SH2D4A: variants seen among roughly 807,000 people sequenced by gnomAD.
SH2D4A encodes SH2 domain containing 4A, also known as SH2 domain-containing protein 4A.
SH2D4A carries 70 observed loss-of-function variants against 64.7 expected under a neutral mutation model. The ratio of observed to expected loss-of-function variants is 1.08; its 90% CI spans 0.89 to 1.32. SH2D4A has a LOEUF of 1.32. Ranked by LOEUF, SH2D4A falls within the 40% of genes most tolerant of loss-of-function variation. The pLI, the probability that SH2D4A is intolerant of heterozygous loss-of-function variation, is 0.00. For synonymous variants in SH2D4A, 268 were observed against 200.7 expected (o/e 1.34, Z -2.83); for missense variants, 706 against 540.1 (o/e 1.31, Z -3.04).
intron 8 of SH2D4A, among the ~76,000 whole-genome samples, chr8:19,388,390 G>A (rs2053426365): frequency 6.6e-6 from 1 of 152,232 alleles, no homozygotes; most frequent in Non-Finnish European, 1.5e-5. Context: ...GGGCAAAGCA[G>A]GTGTTCTGTC....
intron 5 of SH2D4A, among the ~76,000 whole-genome samples, chr8:19,360,354 C>A (rs1383484072): frequency 6.7e-6 from 1 of 148,980 alleles, no homozygotes; most frequent in Non-Finnish European, 1.5e-5. Flanking sequence ...GTGGCTCATG[C>A]CTGTAATCAC....
intron 4 of SH2D4A, among the ~76,000 whole-genome samples, chr8:19,352,872 G>A (rs2052729765): frequency 6.6e-6 from 1 of 152,032 alleles, no homozygotes; most frequent in South Asian, 2.1e-4. Flanking sequence ...AGCCAGGTGT[G>A]GTAGTGCATG....
intron 7 of SH2D4A, among the ~76,000 whole-genome samples, chr8:19,371,245 A>G (rs1447407265): frequency 2.0e-5 from 3 of 152,170 alleles, no homozygotes; most frequent in Non-Finnish European, 4.4e-5. Context: ...AGCATTTCTT[A>G]TAGGCCAAGT....
intron 7 of SH2D4A, among the ~76,000 whole-genome samples, chr8:19,367,478 A>T (rs1309699904): frequency 6.6e-6 from 1 of 152,054 alleles, no homozygotes; most frequent in African/African-American, 2.4e-5. Flanking sequence ...TTTGATGTGC[A>T]TTTCCCTGAT....
intron 7 of SH2D4A, among the ~76,000 whole-genome samples, chr8:19,372,495 C>T (rs555880768): frequency 6.6e-6 from 1 of 152,228 alleles, no homozygotes; most frequent in East Asian, 1.9e-4. Flanking sequence ...GGGGATGGAG[C>T]TGATATTGGA....
At chr8:19,324,585 T>G (rs1198443140) in intron 2 of SH2D4A, among the ~76,000 whole-genome samples, 1 of 152,172 alleles carries the variant, frequency 6.6e-6, no homozygotes, top group Non-Finnish European at 1.5e-5. Flanking sequence ...CCTCTTGGTG[T>G]CTCTCTCTTG....
At chr8:19,320,749 C>T (rs1002580879) in intron 2 of SH2D4A, among the ~76,000 whole-genome samples, 4 of 152,024 alleles carry the variant, frequency 2.6e-5, no homozygotes, top group Non-Finnish European at 2.9e-5. Context: ...TGTTTACATG[C>T]GAAGTCTGTC....
intron 8 of SH2D4A, among the ~76,000 whole-genome samples, chr8:19,377,044 T>TC: frequency 6.6e-6 from 1 of 152,188 alleles, no homozygotes; most frequent in East Asian, 1.9e-4. Flanking sequence ...GTGTAATGAA[T>TC]ATTAACAGCC....
Position 19,365,018 on chromosome 8 carries a change from TAGAA to T in SH2D4A, c.917+741_917+744del, listed in dbSNP as rs1229375648. On this transcript the variant is annotated intron_variant, in intron 7 of 9. Transcript: ENST00000265807. ...ATCTTATTTTTAACATCCTAGTATT[TAGAA>T]AGAAGTATTAAAATCAAATGTTGAT... is the stretch of plus-strand genomic sequence containing the variant. Among the ~76,000 whole-genome samples, 19 of 152,330 alleles carry T rather than the reference TAGAA, an allele frequency of 1.2e-4. No individual in the cohort carries two copies. In the East Asian group the frequency reaches 2.7e-3, roughly 22 times the overall value.
chr8:19,322,889 G>T (rs1563183453), intron 2 of SH2D4A, among the ~76,000 whole-genome samples: 1 of 151,932 alleles, frequency 6.6e-6, no homozygotes, highest in Non-Finnish European at 1.5e-5. Flanking sequence ...TGGCCAGCCT[G>T]GTCTTGAACT....
chr8:19,321,433 T>A (rs994579877), intron 2 of SH2D4A, among the ~76,000 whole-genome samples: 8 of 152,150 alleles, frequency 5.3e-5, no homozygotes, highest in African/African-American at 1.9e-4. Flanking sequence ...AGGCTGGTCT[T>A]GAACCCCAGA....
chr8:19,359,829 A>G (rs962513981), intron 5 of SH2D4A, among the ~76,000 whole-genome samples: 1 of 152,224 alleles, frequency 6.6e-6, no homozygotes, highest in Non-Finnish European at 1.5e-5. Flanking sequence ...CACAATATTA[A>G]TGTTTATACT....
intron 8 of SH2D4A, among the ~76,000 whole-genome samples, chr8:19,387,449 A>G (rs574802864): frequency 3.9e-4 from 60 of 152,374 alleles, no homozygotes; most frequent in African/African-American, 1.3e-3. Context: ...CATGTTGCCC[A>G]GGCTAGTCTC....
chr8:19,351,624 C>CAA (rs1254978770), intron 4 of SH2D4A, among the ~76,000 whole-genome samples: 1 of 151,342 alleles, frequency 6.6e-6, no homozygotes, highest in Non-Finnish European at 1.5e-5. Context: ...CAAAAAAAAA[C>CAA]AAAAACAAAA....
chr8:19,350,529 C>A (rs1043281116), intron 4 of SH2D4A, among the ~76,000 whole-genome samples: 1 of 152,162 alleles, frequency 6.6e-6, no homozygotes, highest in African/African-American at 2.4e-5. Context: ...GTCTCCCAGG[C>A]TGGAATGCAG....
chr8:19,386,637 G>A (rs552629123), intron 8 of SH2D4A, among the ~76,000 whole-genome samples: 1 of 152,188 alleles, frequency 6.6e-6, no homozygotes, highest in East Asian at 1.9e-4. Flanking sequence ...AGAGGCAAGG[G>A]GCAGGTACAG....
At chr8:19,315,937 G>T (rs1662213301) in intron 1 of SH2D4A, among the ~76,000 whole-genome samples, 1 of 152,206 alleles carries the variant, frequency 6.6e-6, no homozygotes, top group Non-Finnish European at 1.5e-5. Flanking sequence ...TCGTTTCACA[G>T]ATGAGGAAAC....
chr8:19,387,989 G>C (rs1436437365), intron 8 of SH2D4A, among the ~76,000 whole-genome samples: 1 of 152,218 alleles, frequency 6.6e-6, no homozygotes, highest in Non-Finnish European at 1.5e-5. Context: ...TGAATGCTAA[G>C]CTCAGATGTT....
intron 1 of SH2D4A, chr8:19,314,040 GTCCGGT>G: frequency 8.3e-7 from 1 of 1,202,236 alleles, no homozygotes. Context: ...GGTGTCCGGT[GTCCGGT>G]GTCCGGTGTC....
Sources: gnomAD v4.1 joint callset for allele counts (sites outside exome capture counted in the v4.1 genomes callset) on GRCh38, gnomAD v4.1.1 for gene constraint, MANE v1.5 for transcripts, NCBI Gene and HGNC (gene_info 2026-07-23, HGNC 2026-07-21) for gene names.